Variants in TBC1D32 observed in about 807,000 individuals in gnomAD.
The protein encoded by TBC1D32 is protein broad-minded.
Under a neutral mutation model 170.3 loss-of-function variants are expected in TBC1D32, and 151 were observed. That is an observed-to-expected ratio of 0.89 (90% CI 0.78 to 1.01). The LOEUF (loss-of-function observed/expected upper bound fraction) is 1.01, where lower values mean the gene tolerates loss of function less well. Ranked by LOEUF, TBC1D32 falls within the 50% of genes least tolerant of loss-of-function variation. The pLI is 0.00. For missense variants in TBC1D32, 1,464 were observed against 1,457.1 expected (o/e 1.00, Z -0.08); for synonymous variants, 498 against 488.0 (o/e 1.02, Z -0.27).
chr6:121,278,268 A>G (rs1802505660), intron 15 of TBC1D32, among the ~76,000 whole-genome samples: 1 of 152,136 alleles, frequency 6.6e-6, no homozygotes. Context: ...CACCATTCCA[A>G]TAATACCAAA....
At chr6:121,194,998 G>C (rs1206624364) in intron 22 of TBC1D32, among the ~76,000 whole-genome samples, 1 of 152,206 alleles carries the variant, frequency 6.6e-6, no homozygotes, top group East Asian at 1.9e-4. Flanking sequence ...GGCCTGTCGA[G>C]ATATTACTTC....
chr6:121,196,399 C>T (rs1790742199), intron 22 of TBC1D32, among the ~76,000 whole-genome samples: 1 of 152,150 alleles, frequency 6.6e-6, no homozygotes, highest in Non-Finnish European at 1.5e-5. Context: ...GAGTGATCAG[C>T]CAGCTACCTG....
At chr6:121,108,499 AT>A (rs1469257482) in intron 29 of TBC1D32, among the ~76,000 whole-genome samples, 1 of 152,184 alleles carries the variant, frequency 6.6e-6, no homozygotes, top group East Asian at 1.9e-4. Context: ...TAATAGTCTA[AT>A]ATATAAACTA....
At chr6:121,132,683 G>A (rs1781571207) in intron 24 of TBC1D32, among the ~76,000 whole-genome samples, 1 of 151,920 alleles carries the variant, frequency 6.6e-6, no homozygotes, top group Non-Finnish European at 1.5e-5. Flanking sequence ...CACATAAACT[G>A]AAGATAATGA....
intron 20 of TBC1D32, among the ~76,000 whole-genome samples, chr6:121,231,593 C>T (rs117453004): frequency 0.024 from 3,658 of 150,696 alleles, 162 homozygotes; most frequent in East Asian, 0.12. Context: ...ATTTTTTTTT[C>T]ATTTTTTGAT....
chr6:121,244,391 G>A (rs1028352319), intron 17 of TBC1D32, among the ~76,000 whole-genome samples: 1 of 152,056 alleles, frequency 6.6e-6, no homozygotes, highest in Non-Finnish European at 1.5e-5. Context: ...ACGTGAAAGA[G>A]TACACATATG....
chr6:121,239,334 G>T, intron 19 of TBC1D32, 146 bp from the exon 20 acceptor site: 1 of 449,212 alleles, frequency 2.2e-6, no homozygotes, highest in African/African-American at 2.0e-5. Context: ...ATCTCTTCTT[G>T]GTAGAAATTA....
At chr6:121,278,075 C>A (rs1802471925) in intron 15 of TBC1D32, among the ~76,000 whole-genome samples, 1 of 152,110 alleles carries the variant, frequency 6.6e-6, no homozygotes, top group Non-Finnish European at 1.5e-5. Flanking sequence ...AGTAGGCAAT[C>A]TGAATAGGCC....
intron 19 of TBC1D32, among the ~76,000 whole-genome samples, chr6:121,240,385 T>TTTTTTTTTCAAA (rs71018118): frequency 7.0e-6 from 1 of 142,650 alleles, no homozygotes; most frequent in Non-Finnish European, 1.5e-5. Context: ...TTTTTTTTTT[T>TTTTTTTTTCAAA]ACCAAGAAAC....
chr6:121,155,298 G>T lies in TBC1D32; in HGVS notation c.2773+4712C>A, dbSNP rs1023544504. Reference sequence around the variant, plus strand: ...CAAATGGGATTATGTTCTTGATTTGGCTTTCAATCTATACTGTTGTATAGA... The same window carrying T: ...CAAATGGGATTATGTTCTTGATTTGTCTTTCAATCTATACTGTTGTATAGA... On this transcript the variant is annotated intron_variant, in intron 24 of 31. Transcript: ENST00000398212. Among the ~76,000 whole-genome samples the T allele has an allele frequency of 3.9e-5, 6 of 151,986 alleles. No individual in the cohort carries two copies. The East Asian group carries it at 5.8e-4, about 15-fold the overall frequency.
In TBC1D32 at chr6:121,080,559, C is replaced by G; in HGVS notation, c.*212G>C. On this transcript the variant is annotated 3_prime_UTR_variant, in exon 32 of 32. Coordinates refer to ENST00000398212, the MANE Select transcript of TBC1D32 (RefSeq NM_152730.6). Reference sequence around the variant, plus strand: ...AATAAGAACTAAAAGTAAGCTAGATCTGATTCTATAATAACCTTACAAAAC... The same window carrying G: ...AATAAGAACTAAAAGTAAGCTAGATGTGATTCTATAATAACCTTACAAAAC... 1 of 559,630 alleles carries G rather than the reference C, an allele frequency of 1.8e-6. No homozygotes were observed. The highest frequency in any genetic ancestry group is 2.9e-6 in the Non-Finnish European group (1 of 350,354). The allele number at this position is 559,630 out of a possible 1,614,324, so 34.7% of individuals were successfully genotyped here. A position where few individuals can be genotyped will look rare whatever the true frequency, so the allele number is the denominator to read the frequency against.
intron 22 of TBC1D32, among the ~76,000 whole-genome samples, chr6:121,161,433 A>C (rs890779000): frequency 1.3e-5 from 2 of 151,788 alleles, no homozygotes; most frequent in African/African-American, 2.4e-5. Context: ...GCTCCCACTT[A>C]TAAGTGAGAA....
chr6:121,118,344 C>T (rs1404586024), intron 26 of TBC1D32, among the ~76,000 whole-genome samples: 1 of 152,078 alleles, frequency 6.6e-6, no homozygotes, highest in Non-Finnish European at 1.5e-5. Context: ...CATACTTACC[C>T]ACTTACTAAC....
chr6:121,149,413 C>G (rs757480159), intron 24 of TBC1D32, among the ~76,000 whole-genome samples: 3 of 152,168 alleles, frequency 2.0e-5, no homozygotes, highest in Non-Finnish European at 4.4e-5. Context: ...AATCTTTAAT[C>G]TATCTTGAGT....
intron 14 of TBC1D32, among the ~76,000 whole-genome samples, chr6:121,281,271 A>G (rs1241027714): frequency 6.6e-6 from 1 of 151,676 alleles, no homozygotes; most frequent in African/African-American, 2.4e-5. Flanking sequence ...TTCTTAATAG[A>G]ATAACTTTTC....
At chr6:121,110,341 T>C (rs1041287893) in intron 29 of TBC1D32, among the ~76,000 whole-genome samples, 2 of 151,490 alleles carry the variant, frequency 1.3e-5, no homozygotes, top group African/African-American at 4.8e-5. Context: ...GGGCCTATAG[T>C]TTGGGACACA....
chr6:121,268,332 CA>C (rs895743263), intron 15 of TBC1D32, among the ~76,000 whole-genome samples: 3 of 152,102 alleles, frequency 2.0e-5, no homozygotes, highest in Non-Finnish European at 4.4e-5. Flanking sequence ...GGAGGATGTT[CA>C]AACCCATTGC....
intron 24 of TBC1D32, among the ~76,000 whole-genome samples, chr6:121,158,961 T>C (rs1209947292): frequency 3.3e-5 from 5 of 152,162 alleles, no homozygotes; most frequent in African/African-American, 1.2e-4. Context: ...TCAGTCTTAC[T>C]TCCTGTCACT....
intron 31 of TBC1D32, among the ~76,000 whole-genome samples, chr6:121,089,205 G>C (rs1395006299): frequency 6.6e-6 from 1 of 152,056 alleles, no homozygotes; most frequent in African/African-American, 2.4e-5. Context: ...ACCAGGTATT[G>C]TTTGATATAT....
Sources: allele counts gnomAD v4.1 joint callset (sites outside exome capture counted in the v4.1 genomes callset), GRCh38; gene constraint gnomAD v4.1.1; transcripts MANE v1.5; gene names NCBI Gene and HGNC (gene_info 2026-07-23, HGNC 2026-07-21).